Variants in TTBK2 observed in about 807,000 individuals in gnomAD.
TTBK2 encodes tau-tubulin kinase 2.
A neutral mutation model predicts 110.8 loss-of-function variants in TTBK2; 28 were observed. The observed-to-expected ratio is 0.25, with a 90% CI of 0.19 to 0.35. The LOEUF is 0.35. TTBK2 is among the 10% of genes least tolerant of loss of function. The pLI, the probability that TTBK2 is intolerant of heterozygous loss-of-function variation, is 1.00. For missense variants in TTBK2, 1,369 were observed against 1,500.3 expected, an observed-to-expected ratio of 0.91 and a Z score of 1.45; for synonymous variants, 532 against 527.3, an observed-to-expected ratio of 1.01 and a Z score of -0.12.
At chr15:42,854,234 T>C (rs1893841555) in intron 3 of TTBK2, among the ~76,000 whole-genome samples, 1 of 152,238 alleles carries the variant, frequency 6.6e-6, no homozygotes, top group African/African-American at 2.4e-5. Flanking sequence ...TTACTGCACC[T>C]GGCCTACAGA....
intron 13 of TTBK2, among the ~76,000 whole-genome samples, chr15:42,759,092 G>A (rs1223810260): frequency 2.0e-5 from 3 of 152,236 alleles, no homozygotes; most frequent in African/African-American, 7.2e-5. Flanking sequence ...AGCTCACACA[G>A]GTGGCTGGTG....
rs567972612 is a variant in TTBK2, at chr15:42,766,446, C to CAAAAAAAAAAA, written c.1998+8678_1998+8688dup. ...GAAGATCTACCAAGCGAATGGAAAG[C>CAAAAAAAAAAA]AAAAAAAAAAAAAAAAAAAAAGCAA... On this transcript the variant is annotated intron_variant, in intron 13 of 14. Coordinates refer to ENST00000267890, the MANE Select transcript of TTBK2 (RefSeq NM_173500.4). Among the ~76,000 whole-genome samples, 38 of 30,810 alleles carry CAAAAAAAAAAA rather than the reference C, an allele frequency of 1.2e-3. 4 individuals carry two copies. Among genetic ancestry groups the CAAAAAAAAAAA allele is most frequent in the African/African-American group, 6.2e-3 (19 of 3,082 alleles). The allele number at this position is 30,810 out of a possible 152,430, so 20.2% of individuals were successfully genotyped here.
At chr15:42,906,762 T>C (rs973410645) in intron 1 of TTBK2, among the ~76,000 whole-genome samples, 1 of 152,074 alleles carries the variant, frequency 6.6e-6, no homozygotes, top group African/African-American at 2.4e-5. Flanking sequence ...GAGAAAATAT[T>C]TGCAAACTAT....
At chr15:42,895,699 A>G (rs1219913021) in intron 1 of TTBK2, among the ~76,000 whole-genome samples, 4 of 151,754 alleles carry the variant, frequency 2.6e-5, no homozygotes, top group Admixed American at 2.0e-4. Flanking sequence ...CACCACGCCC[A>G]GCTAATTTTT....
At chr15:42,861,499 G>C (rs72713797) in intron 3 of TTBK2, among the ~76,000 whole-genome samples, 2,391 of 152,162 alleles carry the variant, frequency 0.016, 28 homozygotes, top group Non-Finnish European at 0.024. Context: ...TAACTCATGT[G>C]TGAACAATGA....
At position 42,746,228 on chromosome 15, in the gene TTBK2, C is replaced by G. The variant is rs762965309; in HGVS notation, c.3302G>C (p.Ser1101Thr). ...GGAGAAAAGGTCTGAGTCGGAGTTA[C>G]TACTCCCTAGGACTTTATATCTGCG... is the stretch of plus-strand genomic sequence containing the variant. Reference protein sequence around the residue: ...RLRRYKVLGSSNSDSDLFSRL... With the variant: ...RLRRYKVLGSTNSDSDLFSRL... The change falls in exon 15 of 15, where the codon AGT becomes ACT. Residue 1101 changes from serine (S) to threonine (T), a missense_variant. Around this residue, in one of 4 missense-constraint regions of TTBK2, gnomAD observed 1,097 missense variants for 1,114.7 expected, o/e 0.98. Coordinates refer to ENST00000267890, the MANE Select transcript of TTBK2 (RefSeq NM_173500.4). The G allele has an allele frequency of 1.2e-6, 2 of 1,613,800 alleles. No homozygotes were observed. Among genetic ancestry groups the G allele is most frequent in the African/African-American group, 2.7e-5 (2 of 74,886 alleles).
At chr15:42,890,897 T>G (rs1029855117) in intron 1 of TTBK2, among the ~76,000 whole-genome samples, 2 of 152,172 alleles carry the variant, frequency 1.3e-5, no homozygotes, top group African/African-American at 4.8e-5. Flanking sequence ...AGATGGAGTC[T>G]CACTCCTTTT....
At position 42,746,263 on chromosome 15, in the gene TTBK2, A is replaced by C. The variant is rs2061794125; in HGVS notation, c.3273-6T>G. 1 of 1,597,006 alleles carries C rather than the reference A, an allele frequency of 6.3e-7. No individual in the cohort carries two copies. The highest frequency in any genetic ancestry group is 8.6e-7 in the Non-Finnish European group (1 of 1,166,934). On this transcript the variant is annotated splice_region_variant and splice_polypyrimidine_tract_variant and intron_variant, in intron 14 of 14. Transcript: ENST00000267890. ...GGACTTTATATCTGCGTAGCCTTAA[A>C]AGAACAGAGAAAATATATTTTAATT...
At chr15:42,805,937 A>C (rs921072938) in intron 9 of TTBK2, among the ~76,000 whole-genome samples, 1 of 152,200 alleles carries the variant, frequency 6.6e-6, no homozygotes, top group Non-Finnish European at 1.5e-5. Context: ...TGACTAATGT[A>C]TTATATGATC....
chr15:42,854,337 C>T (rs1210543383), intron 3 of TTBK2, among the ~76,000 whole-genome samples: 1 of 152,036 alleles, frequency 6.6e-6, no homozygotes, highest in African/African-American at 2.4e-5. Context: ...TTTAAAGATC[C>T]TAAGAAGATT....
At chr15:42,754,129 C>A (rs931848555) in intron 13 of TTBK2, among the ~76,000 whole-genome samples, 1 of 146,558 alleles carries the variant, frequency 6.8e-6, no homozygotes, top group Non-Finnish European at 1.5e-5. Flanking sequence ...GTCACCCAGA[C>A]TGAAGTGTAA....
rs764070170 is a variant in TTBK2 at position 42,783,615 on chromosome 15, A to C, written c.1001T>G (p.Ile334Ser). The C allele has an allele frequency of 1.2e-6, 2 of 1,613,962 alleles. No homozygotes were observed. Among genetic ancestry groups the C allele is most frequent in the Middle Eastern group, 1.6e-4 (1 of 6,084 alleles). Residue 334 changes from isoleucine (I) to serine (S), a missense_variant, in exon 11 of 15, where the codon ATC (isoleucine) becomes AGC (serine). Around this residue, in one of 4 missense-constraint regions of TTBK2, gnomAD observed 1,097 missense variants for 1,114.7 expected, o/e 0.98. Coordinates refer to ENST00000267890, the MANE Select transcript of TTBK2 (RefSeq NM_173500.4). ...AAIGIANATP[I>S]PGDLLRENTD... ...ATTTTCTCGAAGCAAGTCTCCAGGG[A>C]TGGGAGTAGCATTGGCAATTCTACA... is the stretch of plus-strand genomic sequence containing the variant.
At chr15:42,855,499 G>A (rs1893894633) in intron 3 of TTBK2, among the ~76,000 whole-genome samples, 1 of 152,116 alleles carries the variant, frequency 6.6e-6, no homozygotes, top group South Asian at 2.1e-4. Context: ...AGTTATACAA[G>A]AAGAACACAG....
intron 1 of TTBK2, among the ~76,000 whole-genome samples, chr15:42,912,668 A>G (rs530753371): frequency 8.0e-4 from 121 of 151,108 alleles, no homozygotes; most frequent in African/African-American, 2.9e-3. Context: ...CTGAGATTGC[A>G]AGATCGCGCC....
chr15:42,824,048 G>T (rs541062725), intron 6 of TTBK2, among the ~76,000 whole-genome samples: 1 of 152,184 alleles, frequency 6.6e-6, no homozygotes, highest in East Asian at 1.9e-4. Context: ...GCAAGAAGGT[G>T]GGGGAAGGTG....
At chr15:42,780,054 A>G (rs536756808) in intron 11 of TTBK2, among the ~76,000 whole-genome samples, 36 of 151,124 alleles carry the variant, frequency 2.4e-4, no homozygotes, top group South Asian at 8.4e-4. Context: ...ACAGAGTCTC[A>G]CTCTGTCACC....
intron 6 of TTBK2, among the ~76,000 whole-genome samples, chr15:42,819,665 T>C (rs1595947214): frequency 6.6e-6 from 1 of 152,216 alleles, no homozygotes; most frequent in East Asian, 1.9e-4. Context: ...AATATTTTCC[T>C]AAGACATCAT....
At chr15:42,778,736 A>C (rs1890043560) in intron 11 of TTBK2, among the ~76,000 whole-genome samples, 1 of 152,180 alleles carries the variant, frequency 6.6e-6, no homozygotes, top group Admixed American at 6.5e-5. Flanking sequence ...GAAAAAAGAT[A>C]TTAAGAGATA....
chr15:42,754,212 T>C (rs540509961), intron 13 of TTBK2, among the ~76,000 whole-genome samples: 1 of 151,366 alleles, frequency 6.6e-6, no homozygotes, highest in Non-Finnish European at 1.5e-5. Context: ...GCCTCCCGAG[T>C]AGCTGGGACT....
Sources: gnomAD v4.1 joint callset for allele counts (sites outside exome capture counted in the v4.1 genomes callset) on GRCh38, gnomAD v4.1.1 for gene constraint, gnomAD v4.1.1 regional missense constraint, MANE v1.5 for transcripts, NCBI Gene and HGNC (gene_info 2026-07-23, HGNC 2026-07-21) for gene names.